Variants in KIF7 observed in about 807,000 individuals in gnomAD.
The protein encoded by KIF7 is kinesin-like protein KIF7.
In KIF7, 104 loss-of-function variants were observed where a neutral mutation model predicts 135.7. That is an observed-to-expected ratio of 0.77 (90% CI 0.65 to 0.90). KIF7 has a LOEUF of 0.90. Ranked by LOEUF, KIF7 falls within the 40% of genes least tolerant of loss-of-function variation. The pLI, the probability that KIF7 is intolerant of heterozygous loss-of-function variation, is 0.00. For missense variants in KIF7, 2,005 were observed against 1,839.1 expected (o/e 1.09, Z -1.65); for synonymous variants, 883 against 809.4 (o/e 1.09, Z -1.54).
At chr15:89,631,438 G>T in intron 15 of KIF7, 57 bp downstream of exon 15, 1 of 1,438,776 alleles carries the variant, frequency 7.0e-7, no homozygotes, top group Non-Finnish European at 9.5e-7. Flanking sequence ...GCTGAGGAGA[G>T]CAGACAGACA....
chr15:89,627,391 A>T, downstream of KIF7: 1 of 348,038 alleles, frequency 2.9e-6, no homozygotes, highest in Non-Finnish European at 5.2e-6. Flanking sequence ...TGACCTTGGC[A>T]AGTCAGGGGG....
downstream of KIF7, among the ~76,000 whole-genome samples, chr15:89,626,251 G>C (rs1963524057): frequency 6.6e-6 from 1 of 152,182 alleles, no homozygotes; most frequent in Non-Finnish European, 1.5e-5. Flanking sequence ...CATGTGAACA[G>C]AAGCCCCTCA....
chr15:89,658,155 C>T (rs1449730747), upstream of KIF7, among the ~76,000 whole-genome samples: 3 of 152,128 alleles, frequency 2.0e-5, no homozygotes, highest in African/African-American at 4.8e-5. Flanking sequence ...CAGTTTATTT[C>T]GAGAGAAACT....
At chr15:89,618,425 A>C (rs1258895998) in intron 1 of KIF7, among the ~76,000 whole-genome samples, 1 of 152,232 alleles carries the variant, frequency 6.6e-6, no homozygotes, top group Non-Finnish European at 1.5e-5. Flanking sequence ...TGCACAACAG[A>C]TATGAAATTC....
intron 15 of KIF7, chr15:89,631,171 A>C: frequency 2.8e-6 from 1 of 358,654 alleles, no homozygotes; most frequent in East Asian, 5.1e-5. Flanking sequence ...AGGTGCACTG[A>C]GTATGCGCCT....
rs771009677 is a variant in KIF7 at position 89,630,509 on chromosome 15, C to T, written c.3112-16G>A. The stretch of plus-strand genomic sequence containing the variant: ...TCCGCTCCTCCTGCAGAGACGGGCA[C>T]GCGTGGAGGAACAGCACCCACTGCC... On this transcript the variant is annotated splice_polypyrimidine_tract_variant and intron_variant, in intron 15 of 18. Coordinates refer to ENST00000394412, the MANE Select transcript of KIF7 (RefSeq NM_198525.3). The T allele has an allele frequency of 2.5e-5, 38 of 1,542,414 alleles. No individual in the cohort carries two copies. The highest frequency in any genetic ancestry group is 1.9e-4 in the South Asian group (16 of 83,974).
In KIF7 at chr15:89,641,111, G is replaced by A. The variant is rs1265440266; in HGVS notation, c.2394+1092C>T. ...ACCACCAGCACCTCAGAATATGACT[G>A]CGTTTGTAAAGAAGGTCTTTAGAGA... On this transcript the variant is annotated intron_variant, in intron 11 of 18. Coordinates refer to ENST00000394412, the MANE Select transcript of KIF7 (RefSeq NM_198525.3). Among the ~76,000 whole-genome samples the A allele has an allele frequency of 4.6e-5, 7 of 152,264 alleles. No individual in the cohort carries two copies. In the South Asian group the frequency reaches 1.2e-3, roughly 27 times the overall value.
At chr15:89,633,561 TA>T in intron 12 of KIF7, 124 bp downstream of exon 12, 1 of 1,075,374 alleles carries the variant, frequency 9.3e-7, no homozygotes. Context: ...AGACTCAGGC[TA>T]AGTGACCTGC....
chr15:89,631,761 A>G (rs1388448876), intron 14 of KIF7, 51 bp from the exon 15 acceptor site: 227 of 1,454,572 alleles, frequency 1.6e-4, no homozygotes, highest in Non-Finnish European at 2.0e-4. Context: ...CTGTCCTCAC[A>G]GGGGGGACAG....
chr15:89,644,181 A>C (rs1168365357), intron 10 of KIF7, among the ~76,000 whole-genome samples: 5 of 152,130 alleles, frequency 3.3e-5, no homozygotes, highest in African/African-American at 9.7e-5. Flanking sequence ...TTGGTAACAA[A>C]TTCATTAACT....
At chr15:89,625,819 G>A (rs1438954622), downstream of KIF7, 1 of 1,572,172 alleles carries the variant, frequency 6.4e-7, no homozygotes, top group Non-Finnish European at 8.6e-7. Context: ...GTTTCCTCAT[G>A]GTTTCTTTTG....
intron 3 of KIF7, 64 bp downstream of exon 3, chr15:89,649,677 A>G: frequency 1.3e-6 from 2 of 1,505,354 alleles, no homozygotes; most frequent in Non-Finnish European, 1.8e-6. Context: ...TAAGCACTCC[A>G]CTCCAAACAG....
Position 89,633,558 on chromosome 15 carries a change from G to C in KIF7, c.2592+128C>G, listed in dbSNP as rs770620835. On this transcript the variant is annotated intron_variant, in intron 12 of 18. Coordinates refer to ENST00000394412, the MANE Select transcript of KIF7 (RefSeq NM_198525.3). ...ATTTTCAGATGAAAAAACAGACTCAGGCTAAGTGACCTGCTTTCTAAGGTC... is the reference window on the plus strand; with the variant it reads ...ATTTTCAGATGAAAAAACAGACTCACGCTAAGTGACCTGCTTTCTAAGGTC... 342 of 1,054,826 alleles carry C rather than the reference G, an allele frequency of 3.2e-4. 1 individual carries two copies. The highest frequency in any genetic ancestry group is 4.5e-4 in the Non-Finnish European group (325 of 717,532). The allele number at this position is 1,054,826 out of a possible 1,614,324, so 65.3% of individuals were successfully genotyped here. A position where few individuals can be genotyped will look rare whatever the true frequency, so the allele number is the denominator to read the frequency against.
chr15:89,624,117 C>G, downstream of KIF7: 1 of 1,613,876 alleles, frequency 6.2e-7, no homozygotes, highest in East Asian at 2.2e-5. Flanking sequence ...ACCAACAGCC[C>G]CATGTCCTCA....
At chr15:89,629,190 GGTGGGGGCTGTGGGCT>G in intron 17 of KIF7, 68 bp from the exon 18 acceptor site, 1 of 281,736 alleles carries the variant, frequency 3.5e-6, no homozygotes, top group Non-Finnish European at 5.7e-6. Context: ...GGGCTGTGGG[GGTGGGGGCTGTGGGCT>G]GGGTGGGGGC....
the KIF7 span, among the ~76,000 whole-genome samples, chr15:89,662,908 G>C: frequency 6.6e-6 from 1 of 152,214 alleles, no homozygotes; most frequent in South Asian, 2.1e-4. Flanking sequence ...AGAGCAAAAA[G>C]AAACTTATAA....
chr15:89,662,165 A>G, the KIF7 span, among the ~76,000 whole-genome samples: 1 of 152,200 alleles, frequency 6.6e-6, no homozygotes, highest in African/African-American at 2.4e-5. Context: ...CTCTCTCTCC[A>G]TGCCCGGAAG....
rs539419181 is a variant in KIF7 at position 89,636,392 on chromosome 15, TAA to T, written c.2395-2511_2395-2510del. Among the ~76,000 whole-genome samples the T allele has an allele frequency of 8.1e-3, 1,077 of 132,738 alleles. 8 individuals carry two copies. The highest frequency in any genetic ancestry group is 0.03 in the African/African-American group (1,009 of 34,160). The allele number at this position is 132,738 out of a possible 152,430, so 87.1% of individuals were successfully genotyped here. A position where few individuals can be genotyped will look rare whatever the true frequency, so the allele number is the denominator to read the frequency against. On this transcript the variant is annotated intron_variant, in intron 11 of 18. Coordinates refer to ENST00000394412, the MANE Select transcript of KIF7 (RefSeq NM_198525.3). The stretch of plus-strand genomic sequence containing the variant: ...AAAAGACACAGACTGGCAAATTGGA[TAA>T]AGAGTCAAGACCCATCAGTGTGCTG...
At chr15:89,642,440 C>T in intron 10 of KIF7, 35 bp from the exon 11 acceptor site, 1 of 1,519,412 alleles carries the variant, frequency 6.6e-7, no homozygotes, top group Non-Finnish European at 8.9e-7. Flanking sequence ...ACAGGCAGCC[C>T]TGCTCCACCG....
Sources: gnomAD v4.1 joint callset for allele counts (sites outside exome capture counted in the v4.1 genomes callset) on GRCh38, gnomAD v4.1.1 for gene constraint, MANE v1.5 for transcripts, NCBI Gene and HGNC (gene_info 2026-07-23, HGNC 2026-07-21) for gene names.